Variants in CMSS1 observed in about 807,000 individuals in gnomAD.
CMSS1 encodes the protein protein CMSS1.
In CMSS1, 33 loss-of-function variants were observed where a neutral mutation model predicts 43.5. The ratio of observed to expected loss-of-function variants is 0.76; its 90% CI spans 0.57 to 1.01. The LOEUF (loss-of-function observed/expected upper bound fraction) is 1.01. CMSS1 is among the 50% of genes least tolerant of loss of function. The pLI, the probability that CMSS1 is intolerant of heterozygous loss-of-function variation, is 0.00. For synonymous variants in CMSS1, 115 were observed against 117.2 expected, an observed-to-expected ratio of 0.98 and a Z score of 0.12; for missense variants, 313 against 326.4, an observed-to-expected ratio of 0.96 and a Z score of 0.32.
At chr3:99,922,878 T>G (rs1317955708) in intron 1 of CMSS1, among the ~76,000 whole-genome samples, 1 of 152,232 alleles carries the variant, frequency 6.6e-6, no homozygotes, top group African/African-American at 2.4e-5. Flanking sequence ...ATTTCTTATT[T>G]TGTTTTTTAA....
intron 1 of CMSS1, among the ~76,000 whole-genome samples, chr3:99,952,441 A>C (rs981605469): frequency 1.3e-5 from 2 of 152,176 alleles, no homozygotes; most frequent in Non-Finnish European, 2.9e-5. Context: ...CCCCAGCCCC[A>C]AAAATTCCAA....
chr3:99,929,852 A>G (rs772383414), intron 1 of CMSS1: 7 of 1,609,516 alleles, frequency 4.3e-6, no homozygotes, highest in South Asian at 2.2e-5. Flanking sequence ...ATTGTGGTAC[A>G]TACCTCATTC....
chr3:100,099,901 G>C (rs2066275608), intron 1 of CMSS1, among the ~76,000 whole-genome samples: 1 of 152,150 alleles, frequency 6.6e-6, no homozygotes, highest in Admixed American at 6.5e-5. Context: ...TGGGCAGAGG[G>C]TTTTGGAGTT....
At chr3:99,872,107 G>A (rs1289802304) in intron 1 of CMSS1, among the ~76,000 whole-genome samples, 1 of 152,062 alleles carries the variant, frequency 6.6e-6, no homozygotes, top group East Asian at 1.9e-4. Context: ...GTGAGCTGTA[G>A]CCCAAGAATG....
At chr3:99,894,148 C>A (rs897445891) in intron 1 of CMSS1, among the ~76,000 whole-genome samples, 8 of 152,180 alleles carry the variant, frequency 5.3e-5, no homozygotes, top group African/African-American at 1.7e-4. Context: ...AAGACAATTA[C>A]AGCTAGGAGT....
chr3:99,896,131 A>G (rs1251587817), intron 1 of CMSS1, among the ~76,000 whole-genome samples: 1 of 152,178 alleles, frequency 6.6e-6, no homozygotes, highest in Non-Finnish European at 1.5e-5. Flanking sequence ...AAGGGAAAAC[A>G]GAAGTGTGAA....
At chr3:99,967,391 T>G (rs1422575529) in intron 1 of CMSS1, among the ~76,000 whole-genome samples, 1 of 152,120 alleles carries the variant, frequency 6.6e-6, no homozygotes, top group Non-Finnish European at 1.5e-5. Flanking sequence ...TCGTGAAGAG[T>G]AAATAGAAGT....
intron 1 of CMSS1, among the ~76,000 whole-genome samples, chr3:99,833,441 G>A (rs990926689): frequency 6.6e-6 from 1 of 152,208 alleles, no homozygotes; most frequent in Non-Finnish European, 1.5e-5. Flanking sequence ...GAAAGGTGAA[G>A]TGTTTTCAGT....
chr3:100,050,861 A>G (rs1040972843), intron 1 of CMSS1, among the ~76,000 whole-genome samples: 1 of 152,118 alleles, frequency 6.6e-6, no homozygotes, highest in Non-Finnish European at 1.5e-5. Flanking sequence ...AGCGGCTTTA[A>G]CTTTGGAAGA....
At chr3:100,009,335 G>A (rs745462827) in intron 1 of CMSS1, among the ~76,000 whole-genome samples, 2 of 152,124 alleles carry the variant, frequency 1.3e-5, no homozygotes, top group Non-Finnish European at 2.9e-5. Flanking sequence ...TTTCACTGAG[G>A]GAGTTAGAGT....
intron 1 of CMSS1, among the ~76,000 whole-genome samples, chr3:100,065,230 A>G (rs138761514): frequency 0.011 from 1,637 of 152,244 alleles, 35 homozygotes; most frequent in African/African-American, 0.036. Context: ...CCATCCAGCA[A>G]TCTGTGTTTT....
chr3:100,127,872 A>G (rs2066675613), intron 1 of CMSS1, among the ~76,000 whole-genome samples: 1 of 152,232 alleles, frequency 6.6e-6, no homozygotes, highest in Admixed American at 6.5e-5. Flanking sequence ...CTGTCAGTCT[A>G]GTTATCTTCT....
chr3:100,172,105 T>G, intron 7 of CMSS1: 1 of 632,666 alleles, frequency 1.6e-6, no homozygotes. Context: ...GCTCTGTCCC[T>G]GTATAGAACC....
intron 1 of CMSS1, chr3:99,850,003 T>C (rs751454474): frequency 6.2e-7 from 1 of 1,608,700 alleles, no homozygotes; most frequent in Non-Finnish European, 8.5e-7. Context: ...GGTTACGCTG[T>C]ACATCTTTTC....
intron 1 of CMSS1, among the ~76,000 whole-genome samples, chr3:100,053,340 G>A (rs924715392): frequency 6.6e-5 from 10 of 152,184 alleles, no homozygotes; most frequent in African/African-American, 1.4e-4. Flanking sequence ...TTCAAAGGCC[G>A]TAGGGAAGAA....
chr3:99,888,557 T>C (rs1705981663), intron 1 of CMSS1, among the ~76,000 whole-genome samples: 1 of 152,180 alleles, frequency 6.6e-6, no homozygotes, highest in Non-Finnish European at 1.5e-5. Context: ...GTTGGTTTTG[T>C]AGAGGTGCCT....
chr3:99,976,065 A>G (rs190035710), intron 1 of CMSS1, among the ~76,000 whole-genome samples: 21 of 151,950 alleles, frequency 1.4e-4, no homozygotes, highest in African/African-American at 4.8e-4. Context: ...TTGTATTTTT[A>G]GTAGAGACGA....
At chr3:99,965,925 C>T (rs1708637389) in intron 1 of CMSS1, among the ~76,000 whole-genome samples, 2 of 152,116 alleles carry the variant, frequency 1.3e-5, no homozygotes, top group South Asian at 4.1e-4. Flanking sequence ...GGCAGTTCTC[C>T]TGTCCCGCCT....
intron 1 of CMSS1, chr3:99,851,163 A>C: frequency 9.7e-7 from 1 of 1,031,234 alleles, no homozygotes; most frequent in Non-Finnish European, 1.4e-6. Flanking sequence ...AAATTATGTA[A>C]TTATATGAGC....
Sources: allele counts gnomAD v4.1 joint callset (sites outside exome capture counted in the v4.1 genomes callset), GRCh38; gene constraint gnomAD v4.1.1; transcripts MANE v1.5; gene names NCBI Gene and HGNC (gene_info 2026-07-23, HGNC 2026-07-21).